Variants in ADGRL2 observed in about 807,000 individuals in gnomAD.
ADGRL2 encodes adhesion G protein-coupled receptor L2.
In ADGRL2, 44 loss-of-function variants were observed where a neutral mutation model predicts 157.4. That is an observed-to-expected ratio of 0.28 (90% CI 0.22 to 0.36). The LOEUF is 0.36. ADGRL2 is among the 10% of genes least tolerant of loss of function. The probability of loss-of-function intolerance (pLI) is 1.00; values close to 1 mark genes in which losing one functional copy is unlikely to be tolerated. For missense variants in ADGRL2, 1,510 were observed against 1,768.9 expected, an observed-to-expected ratio of 0.85 and a Z score of 2.63; for synonymous variants, 585 against 624.7, an observed-to-expected ratio of 0.94 and a Z score of 0.95.
chr1:81,735,929 G>A (rs1571007897), intron 1 of ADGRL2, among the ~76,000 whole-genome samples: 2 of 152,044 alleles, frequency 1.3e-5, no homozygotes, highest in South Asian at 4.2e-4. Flanking sequence ...CAGATCATGA[G>A]GTCAGGAGAT....
At chr1:81,405,934 T>C (rs1319016230) in intron 1 of ADGRL2, among the ~76,000 whole-genome samples, 2 of 152,166 alleles carry the variant, frequency 1.3e-5, no homozygotes, top group Non-Finnish European at 2.9e-5. Flanking sequence ...ATTTTAGTCC[T>C]CTTGAAAAAG....
intron 1 of ADGRL2, among the ~76,000 whole-genome samples, chr1:81,827,565 A>C (rs2091598469): frequency 6.6e-6 from 1 of 152,150 alleles, no homozygotes; most frequent in Admixed American, 6.6e-5. Context: ...ACACACTGAA[A>C]ACACGAATTG....
chr1:81,559,775 T>C (rs1239798484), intron 2 of ADGRL2, among the ~76,000 whole-genome samples: 3 of 152,194 alleles, frequency 2.0e-5, no homozygotes, highest in East Asian at 3.8e-4. Flanking sequence ...ATTTGGTTCA[T>C]CCAGGGGCAT....
chr1:81,389,850 A>G (rs1262718294), intron 1 of ADGRL2, among the ~76,000 whole-genome samples: 1 of 152,178 alleles, frequency 6.6e-6, no homozygotes, highest in Non-Finnish European at 1.5e-5. Flanking sequence ...ACTACATCGT[A>G]GAAACATAGA....
chr1:81,853,526 G>A (rs958473419), intron 2 of ADGRL2, among the ~76,000 whole-genome samples: 8 of 152,112 alleles, frequency 5.3e-5, no homozygotes, highest in African/African-American at 1.9e-4. Context: ...AAAAGTGGAG[G>A]TTGGTGTTTT....
At chr1:81,377,503 A>G (rs949118486) in intron 1 of ADGRL2, among the ~76,000 whole-genome samples, 4 of 152,128 alleles carry the variant, frequency 2.6e-5, no homozygotes, top group Non-Finnish European at 5.9e-5. Context: ...TGTTTGGTAC[A>G]TACTCAAACT....
chr1:81,495,141 CA>C (rs944707428), intron 2 of ADGRL2, among the ~76,000 whole-genome samples: 4 of 152,058 alleles, frequency 2.6e-5, no homozygotes, highest in Non-Finnish European at 5.9e-5. Flanking sequence ...ACTTTGCCCA[CA>C]GAGGAATAAC....
intron 1 of ADGRL2, among the ~76,000 whole-genome samples, chr1:81,706,846 G>T (rs2083753152): frequency 6.6e-6 from 1 of 152,106 alleles, no homozygotes; most frequent in African/African-American, 2.4e-5. Flanking sequence ...ACTTAGTCAT[G>T]GATGACTTTC....
intron 3 of ADGRL2, among the ~76,000 whole-genome samples, chr1:81,907,655 T>C (rs2094611909): frequency 6.6e-6 from 1 of 152,260 alleles, no homozygotes. Context: ...TTTTAGGTTC[T>C]TATTAAAATC....
chr1:81,882,485 T>TGTTTAGCTGGATAATTTCACAATGA (rs1326616822), intron 2 of ADGRL2, among the ~76,000 whole-genome samples: 1 of 152,162 alleles, frequency 6.6e-6, no homozygotes, highest in African/African-American at 2.4e-5. Context: ...AATGAAACAG[T>TGTTTAGCTGGATAATTTCACAATGA]AAATGTGAAA....
At chr1:81,492,223 G>A (rs1411846780) in intron 2 of ADGRL2, among the ~76,000 whole-genome samples, 1 of 151,970 alleles carries the variant, frequency 6.6e-6, no homozygotes, top group Non-Finnish European at 1.5e-5. Context: ...TGTAGAAAAC[G>A]CTCATGACTT....
rs148181887 is a variant in ADGRL2, at chr1:81,322,087, C to CATATATATATATATATATAT, written c.-302+15582_-302+15601dup. ...CTTCCTTAAATGTACAGGACTAATT[C>CATATATATATATATATATAT]ATATATATATATATATATATATACA... On this transcript the variant is annotated intron_variant, in intron 1 of 24. Transcript: ENST00000370721. Among the ~76,000 whole-genome samples the CATATATATATATATATATAT allele has an allele frequency of 2.6e-4, 29 of 112,226 alleles. 1 individual carries two copies. Among genetic ancestry groups the CATATATATATATATATATAT allele is most frequent in the Admixed American group, 5.0e-4 (5 of 10,008 alleles). The allele number at this position is 112,226 out of a possible 152,430, so 73.6% of individuals were successfully genotyped here.
intron 1 of ADGRL2, among the ~76,000 whole-genome samples, chr1:81,738,101 C>A (rs1355392558): frequency 3.3e-5 from 5 of 152,238 alleles, no homozygotes; most frequent in South Asian, 2.1e-4. Flanking sequence ...CTCTATGTAT[C>A]CTGCATTACA....
chr1:81,899,795 T>G (rs913260622), intron 2 of ADGRL2, among the ~76,000 whole-genome samples: 1 of 152,108 alleles, frequency 6.6e-6, no homozygotes, highest in Non-Finnish European at 1.5e-5. Context: ...GTTAAAAGGC[T>G]TTAATTTGAG....
intron 2 of ADGRL2, among the ~76,000 whole-genome samples, chr1:81,487,906 G>A (rs546393589): frequency 6.6e-6 from 1 of 152,118 alleles, no homozygotes; most frequent in African/African-American, 2.4e-5. Flanking sequence ...GATACACATA[G>A]TAATATATTC....
intron 1 of ADGRL2, among the ~76,000 whole-genome samples, chr1:81,403,212 C>A (rs1028168575): frequency 7.3e-6 from 1 of 136,518 alleles, no homozygotes; most frequent in Admixed American, 7.7e-5. Context: ...TTGGAATGTA[C>A]GTAACACTTT....
Position 81,969,341 on chromosome 1 carries a change from T to C in ADGRL2, c.2687T>C (p.Ile896Thr), listed in dbSNP as rs750768047. Residue 896 changes from isoleucine (I) to threonine (T), a missense_variant, in exon 15 of 24, where the codon ATT (isoleucine) becomes ACT (threonine). Physicochemically the swap from Ile to Thr is moderately conservative, Grantham distance 89. Transcript: ENST00000686636. ...AAGAACCTTTGTATCAACCTTTTCA[T>C]TGCTGAATTTATTTTCCTAATAGGC... is the stretch of plus-strand genomic sequence containing the variant. Reference protein sequence around the residue: ...IHKNLCINLFIAEFIFLIGID... With the variant: ...IHKNLCINLFTAEFIFLIGID... The C allele has an allele frequency of 2.0e-5, 32 of 1,613,864 alleles. No homozygotes were observed. The highest frequency in any genetic ancestry group is 2.5e-5 in the Non-Finnish European group (30 of 1,179,898).
At chr1:81,454,912 A>C (rs900878208) in intron 2 of ADGRL2, among the ~76,000 whole-genome samples, 1 of 152,180 alleles carries the variant, frequency 6.6e-6, no homozygotes, top group Non-Finnish European at 1.5e-5. Flanking sequence ...ATTCCTTTGC[A>C]GAAAGTCAGA....
At chr1:81,609,059 G>C (rs1240460430) in intron 3 of ADGRL2, among the ~76,000 whole-genome samples, 3 of 149,374 alleles carry the variant, frequency 2.0e-5, no homozygotes, top group Non-Finnish European at 4.4e-5. Flanking sequence ...TTTTTTTTGA[G>C]GCAGAGTTCT....
Sources: allele counts gnomAD v4.1 joint callset (sites outside exome capture counted in the v4.1 genomes callset), GRCh38; gene constraint gnomAD v4.1.1; transcripts MANE v1.5; gene names NCBI Gene and HGNC (gene_info 2026-07-23, HGNC 2026-07-21).